The following CCDC3 variants were observed in gnomAD, a reference collection of about 807,000 sequenced individuals.
The protein encoded by CCDC3 is coiled-coil domain-containing protein 3.
CCDC3 carries 24 observed loss-of-function variants against 21.4 expected under a neutral mutation model. The ratio of observed to expected loss-of-function variants is 1.12; its 90% CI spans 0.81 to 1.58. The LOEUF is 1.58. CCDC3 is among the 40% of genes most tolerant of loss of function. CCDC3 has a pLI of 0.00. For missense variants in CCDC3, 425 were observed against 360.9 expected (o/e 1.18, Z -1.44); for synonymous variants, 186 against 166.0 (o/e 1.12, Z -0.93).
At chr10:13,084,287 C>CT (rs61688783) in intron 3 of CCDC3, among the ~76,000 whole-genome samples, 5,006 of 102,162 alleles carry the variant, frequency 0.049, 273 homozygotes, top group African/African-American at 0.12. Flanking sequence ...CTTTTCTTTT[C>CT]TTTTTTTTTT....
chr10:13,086,198 C>A (rs1357672114), intron 3 of CCDC3, among the ~76,000 whole-genome samples: 1 of 151,914 alleles, frequency 6.6e-6, no homozygotes, highest in Non-Finnish European at 1.5e-5. Flanking sequence ...TGGAGCCAGG[C>A]CCTTTGGGGA....
At chr10:12,991,056 A>C (rs1381877154) in intron 2 of CCDC3, among the ~76,000 whole-genome samples, 5 of 152,174 alleles carry the variant, frequency 3.3e-5, no homozygotes, top group Non-Finnish European at 5.9e-5. Flanking sequence ...TTTGTTTTTG[A>C]CCAAATGATC....
chr10:13,035,188 T>C lies in CCDC3; in HGVS notation c.-2+14486A>G, dbSNP rs1464333100. Among the ~76,000 whole-genome samples, 6 of 152,228 alleles carry C rather than the reference T, an allele frequency of 3.9e-5. No homozygotes were observed. The East Asian group carries it at 1.2e-3, about 29-fold the overall frequency. ...GCAATCTCACAGCCAGAGGCTTTCC[T>C]AGGTGGAAGCTGCCTCTTCTTGGCT... is the stretch of plus-strand genomic sequence containing the variant. On this transcript the variant is annotated intron_variant, in intron 5 of 6. Transcript: ENST00000378839.
At chr10:12,957,815 C>T (rs568107581) in intron 2 of CCDC3, among the ~76,000 whole-genome samples, 5 of 152,220 alleles carry the variant, frequency 3.3e-5, no homozygotes, top group South Asian at 4.2e-4. Context: ...TTTGTTGAAC[C>T]GTGAGCCAGT....
At chr10:13,050,824 T>C (rs895650476) in intron 4 of CCDC3, among the ~76,000 whole-genome samples, 6 of 152,142 alleles carry the variant, frequency 3.9e-5, no homozygotes, top group Non-Finnish European at 8.8e-5. Flanking sequence ...GGTCTCACTG[T>C]AACCCAGGCT....
chr10:12,989,674 A>C (rs542154525), intron 2 of CCDC3, among the ~76,000 whole-genome samples: 2 of 152,182 alleles, frequency 1.3e-5, no homozygotes, highest in East Asian at 3.9e-4. Context: ...AGCCCACCTC[A>C]GTCTCCCAAA....
At chr10:12,902,024 T>C (rs1244102053) in intron 2 of CCDC3, among the ~76,000 whole-genome samples, 1 of 152,040 alleles carries the variant, frequency 6.6e-6, no homozygotes, top group Non-Finnish European at 1.5e-5. Flanking sequence ...CCCTCCCCAG[T>C]CTCCATGGCA....
rs1050843665 is a variant in CCDC3 at position 12,937,910 on chromosome 10, C to G, written c.550-39231G>C. On this transcript the variant is annotated intron_variant, in intron 2 of 2. Transcript: ENST00000378825. ...AGTCTCCCTGTGTCTCAGTCATCACCCAAGATTTTGGTCCCTTTGGTCTTC... is the reference window on the plus strand; with the variant it reads ...AGTCTCCCTGTGTCTCAGTCATCACGCAAGATTTTGGTCCCTTTGGTCTTC... Among the ~76,000 whole-genome samples the G allele has an allele frequency of 3.9e-5, 6 of 152,150 alleles. 1 individual carries two copies. The highest frequency in any genetic ancestry group is 1.4e-4 in the African/African-American group (6 of 41,412).
At chr10:12,971,791 T>C (rs928389537) in intron 2 of CCDC3, among the ~76,000 whole-genome samples, 7 of 152,182 alleles carry the variant, frequency 4.6e-5, no homozygotes, top group Non-Finnish European at 1.0e-4. Flanking sequence ...GTTCAAGCGA[T>C]TCTCCTTGCC....
intron 5 of CCDC3, among the ~76,000 whole-genome samples, chr10:13,014,404 C>CGT (rs1032810429): frequency 2.7e-5 from 4 of 145,642 alleles, no homozygotes; most frequent in African/African-American, 1.0e-4. Flanking sequence ...GAGCCAAGAT[C>CGT]GTGCCGCTGC....
At chr10:13,090,046 T>TAG (rs1832544866) in intron 3 of CCDC3, among the ~76,000 whole-genome samples, 1 of 12,230 alleles carries the variant, frequency 8.2e-5, no homozygotes, top group African/African-American at 2.3e-4. Flanking sequence ...TATATATATA[T>TAG]ATATATATAT....
intron 4 of CCDC3, among the ~76,000 whole-genome samples, chr10:13,051,645 CCAAGGCTGGGGAATATCTAAAGTCTGGG>C (rs1373622388): frequency 6.6e-6 from 1 of 152,054 alleles, no homozygotes; most frequent in African/African-American, 2.4e-5. Context: ...TCAGATGTTA[CCAAGGCTGGGGAATATCTAAAGTCTGGG>C]CAAGGCTGGG....
chr10:13,044,995 T>C lies in CCDC3; in HGVS notation c.-2+4679A>G, dbSNP rs114216271. Among the ~76,000 whole-genome samples the C allele has an allele frequency of 2.8e-3, 434 of 152,316 alleles. 3 individuals are homozygous for C. Among genetic ancestry groups the C allele is most frequent in the African/African-American group, 0.01 (423 of 41,580 alleles). On this transcript the variant is annotated intron_variant, in intron 5 of 6. Transcript: ENST00000378839. ...GCTCTTACATGACTTCTAACAATGT[T>C]TCCCATGGAATCTAAATGCCATAGC...
intron 2 of CCDC3, among the ~76,000 whole-genome samples, chr10:12,991,908 T>A (rs1201762776): frequency 6.6e-6 from 1 of 152,178 alleles, no homozygotes; most frequent in Non-Finnish European, 1.5e-5. Flanking sequence ...CCTTGTTTTC[T>A]GTCTCTTTCT....
chr10:12,947,411 G>A (rs1159575274), intron 2 of CCDC3, among the ~76,000 whole-genome samples: 1 of 152,098 alleles, frequency 6.6e-6, no homozygotes, highest in Non-Finnish European at 1.5e-5. Context: ...GCCTCCCAAA[G>A]TGCTGAGATT....
intron 2 of CCDC3, among the ~76,000 whole-genome samples, chr10:12,947,588 T>C (rs905657822): frequency 6.6e-6 from 1 of 152,220 alleles, no homozygotes; most frequent in Non-Finnish European, 1.5e-5. Flanking sequence ...GTGTTTTATA[T>C]TTTCAAGTAG....
At chr10:13,096,997 G>C (rs1832634890) in intron 3 of CCDC3, among the ~76,000 whole-genome samples, 1 of 152,206 alleles carries the variant, frequency 6.6e-6, no homozygotes, top group South Asian at 2.1e-4. Flanking sequence ...GTACTTCTAA[G>C]AGCTGTTGCC....
chr10:13,056,207 G>A (rs759543659), intron 4 of CCDC3, among the ~76,000 whole-genome samples: 21 of 152,150 alleles, frequency 1.4e-4, no homozygotes, highest in Non-Finnish European at 2.4e-4. Context: ...CAAGGTGGTC[G>A]CAATTCCACC....
intron 2 of CCDC3, among the ~76,000 whole-genome samples, chr10:12,960,294 G>C (rs1835161958): frequency 6.6e-6 from 1 of 152,132 alleles, no homozygotes; most frequent in Non-Finnish European, 1.5e-5. Context: ...CAGCTTTACA[G>C]AACTCTGGAG....
Sources: allele counts gnomAD v4.1 joint callset (sites outside exome capture counted in the v4.1 genomes callset), GRCh38; gene constraint gnomAD v4.1.1; transcripts MANE v1.5; gene names NCBI Gene and HGNC (gene_info 2026-07-23, HGNC 2026-07-21).